The following AFAP1L2 variants were observed in gnomAD, a reference collection of about 807,000 sequenced individuals.
The protein encoded by AFAP1L2 is actin filament-associated protein 1-like 2.
In AFAP1L2, 46 loss-of-function variants were observed where a neutral mutation model predicts 99.3. The ratio of observed to expected loss-of-function variants is 0.46; its 90% confidence interval spans 0.37 to 0.59. AFAP1L2 has a LOEUF of 0.59. Ranked by LOEUF, AFAP1L2 falls within the 20% of genes least tolerant of loss-of-function variation. AFAP1L2 has a pLI of 0.00. For synonymous variants in AFAP1L2, 397 were observed against 419.1 expected, an observed-to-expected ratio of 0.95 and a Z score of 0.64; for missense variants, 959 against 1,034.9, an observed-to-expected ratio of 0.93 and a Z score of 1.01.
chr10:114,359,518 A>T (rs1389843061), intron 1 of AFAP1L2, among the ~76,000 whole-genome samples: 3 of 152,194 alleles, frequency 2.0e-5, no homozygotes, highest in Admixed American at 2.0e-4. Flanking sequence ...CTGCAAATGG[A>T]TCAACTTTCC....
intron 1 of AFAP1L2, among the ~76,000 whole-genome samples, chr10:114,361,422 C>T (rs1049003781): frequency 1.3e-5 from 2 of 152,186 alleles, no homozygotes; most frequent in Admixed American, 1.3e-4. Context: ...ATCAATGAGA[C>T]TGTCTGGAGA....
At chr10:114,308,764 G>A (rs1187722722) in intron 8 of AFAP1L2, among the ~76,000 whole-genome samples, 2 of 152,228 alleles carry the variant, frequency 1.3e-5, no homozygotes, top group Non-Finnish European at 2.9e-5. Context: ...AGGCTGCTCA[G>A]GGGTGGCATT....
chr10:114,302,513 AG>A lies in AFAP1L2; in HGVS notation c.1285-30del, dbSNP rs1422337036. ...GAACGAGGCCAAGAGAGACATAAGC[AG>A]GGCCAGGCAGTGCTGCCTGGTGCCA... On this transcript the variant is annotated intron_variant, in intron 11 of 18. Transcript: ENST00000304129. 7 of 1,612,944 alleles carry A rather than the reference AG, an allele frequency of 4.3e-6. No homozygotes were observed. The East Asian group carries it at 1.6e-4, about 36-fold the overall frequency.
rs79949509 is a variant in AFAP1L2, at chr10:114,298,457, C to T, written c.2113+803G>A. Among the ~76,000 whole-genome samples, 380 of 152,234 alleles carry T rather than the reference C, an allele frequency of 2.5e-3. 1 individual carries two copies. Among genetic ancestry groups the T allele is most frequent in the African/African-American group, 8.6e-3 (359 of 41,540 alleles). On this transcript the variant is annotated intron_variant, in intron 16 of 18. Transcript: ENST00000304129. ...GCTGAGTTTGTCCTCAAACCTGCAC[C>T]GCTGCTCTTGCTTATTCATACACCT... is the stretch of plus-strand genomic sequence containing the variant.
chr10:114,379,807 G>A (rs1473056248), intron 1 of AFAP1L2, among the ~76,000 whole-genome samples: 1 of 152,206 alleles, frequency 6.6e-6, no homozygotes, highest in Non-Finnish European at 1.5e-5. Context: ...TGAAAGTTAA[G>A]CAGGTCTTTT....
At chr10:114,345,299 G>A (rs1478203829) in intron 1 of AFAP1L2, among the ~76,000 whole-genome samples, 1 of 152,116 alleles carries the variant, frequency 6.6e-6, no homozygotes, top group Admixed American at 6.5e-5. Context: ...TGCAGATGAA[G>A]AGGGCTTTAT....
intron 1 of AFAP1L2, among the ~76,000 whole-genome samples, chr10:114,356,887 TA>T (rs1387130726): frequency 6.6e-6 from 1 of 152,202 alleles, no homozygotes; most frequent in East Asian, 1.9e-4. Context: ...GAGAAGGCTC[TA>T]AAAAAGGAAA....
chr10:114,296,899 A>C, intron 18 of AFAP1L2, 79 bp downstream of exon 18: 1 of 1,609,978 alleles, frequency 6.2e-7, no homozygotes, highest in South Asian at 1.1e-5. Context: ...GCCACAAAGC[A>C]CCACCTGGGT....
At chr10:114,290,808 C>T (rs1163698012), downstream of AFAP1L2, among the ~76,000 whole-genome samples, 2 of 151,996 alleles carry the variant, frequency 1.3e-5, no homozygotes, top group African/African-American at 4.8e-5. Context: ...GCTATTTGCT[C>T]AGTAAAATGG....
chr10:114,395,438 G>A (rs1479320209), intron 1 of AFAP1L2, among the ~76,000 whole-genome samples: 2 of 152,176 alleles, frequency 1.3e-5, no homozygotes, highest in African/African-American at 4.8e-5. Context: ...CTTCCAAAAG[G>A]ACCACATTTG....
intron 15 of AFAP1L2, among the ~76,000 whole-genome samples, chr10:114,299,982 T>C (rs914034734): frequency 1.3e-5 from 2 of 152,236 alleles, no homozygotes; most frequent in African/African-American, 4.8e-5. Flanking sequence ...TTCCCTACTT[T>C]TGAGGCTTTG....
At chr10:114,289,487 G>A in the AFAP1L2 span, 13 of 1,614,010 alleles carry the variant, frequency 8.1e-6, no homozygotes, top group Non-Finnish European at 1.1e-5. Flanking sequence ...TGGCTGTGTG[G>A]AGGTGAGTGG....
downstream of AFAP1L2, chr10:114,290,285 A>T (rs960116745): frequency 1.9e-6 from 3 of 1,550,572 alleles, no homozygotes; most frequent in Admixed American, 5.9e-5. Context: ...CCGTGCATGA[A>T]TGAGGGCAGC....
At chr10:114,348,461 C>G (rs999523543) in intron 1 of AFAP1L2, among the ~76,000 whole-genome samples, 1 of 152,146 alleles carries the variant, frequency 6.6e-6, no homozygotes, top group African/African-American at 2.4e-5. Context: ...TGAGATTCAT[C>G]CCGGTTGTAA....
intron 11 of AFAP1L2, among the ~76,000 whole-genome samples, chr10:114,302,756 T>G (rs2041441812): frequency 6.6e-6 from 1 of 152,176 alleles, no homozygotes; most frequent in Non-Finnish European, 1.5e-5. Context: ...ATACATTGTG[T>G]TTCTAGGAGG....
At chr10:114,355,260 T>C (rs1385233423) in intron 1 of AFAP1L2, among the ~76,000 whole-genome samples, 2 of 149,972 alleles carry the variant, frequency 1.3e-5, no homozygotes, top group Non-Finnish European at 1.5e-5. Flanking sequence ...CTCTCTCTTT[T>C]TTTTTTTTTT....
At chr10:114,381,215 C>T (rs2137414760) in intron 1 of AFAP1L2, among the ~76,000 whole-genome samples, 1 of 152,332 alleles carries the variant, frequency 6.6e-6, no homozygotes, top group African/African-American at 2.4e-5. Flanking sequence ...CAATGAAATA[C>T]TGATACAGGC....
chr10:114,383,393 A>G (rs1390385585), intron 1 of AFAP1L2, among the ~76,000 whole-genome samples: 1 of 152,084 alleles, frequency 6.6e-6, no homozygotes, highest in Non-Finnish European at 1.5e-5. Context: ...GGAGGGAAGG[A>G]GGAGAAAAGA....
At chr10:114,312,646 C>T (rs2043438572) in intron 7 of AFAP1L2, among the ~76,000 whole-genome samples, 2 of 152,196 alleles carry the variant, frequency 1.3e-5, no homozygotes, top group Non-Finnish European at 2.9e-5. Flanking sequence ...GGGGTGAAGC[C>T]AGGATTTGAA....
Sources: allele counts gnomAD v4.1 joint callset (sites outside exome capture counted in the v4.1 genomes callset), GRCh38; gene constraint gnomAD v4.1.1; transcripts MANE v1.5; gene names NCBI Gene and HGNC (gene_info 2026-07-23, HGNC 2026-07-21).